SWI5: variants seen among roughly 807,000 people sequenced by gnomAD.
The protein encoded by SWI5 is SWI5 homologous recombination repair protein.
In SWI5, 12 loss-of-function variants were observed where a neutral mutation model predicts 17.0. The ratio of observed to expected loss-of-function variants is 0.71; its 90% confidence interval spans 0.45 to 1.14. The LOEUF (loss-of-function observed/expected upper bound fraction) is 1.14, where lower values mean the gene tolerates loss of function less well. Ranked by LOEUF, SWI5 falls within the 50% of genes most tolerant of loss-of-function variation. The pLI is 0.00. For synonymous variants in SWI5, 61 were observed against 64.0 expected, an observed-to-expected ratio of 0.95 and a Z score of 0.22; for missense variants, 158 against 162.2, an observed-to-expected ratio of 0.97 and a Z score of 0.14.
At chr9:128,275,553 C>G, upstream of SWI5, 1 of 1,221,580 alleles carries the variant, frequency 8.2e-7, no homozygotes, top group Middle Eastern at 2.6e-4. Context: ...AAGTCACTGG[C>G]GAGGGCAGGG....
In SWI5 at chr9:128,285,278, AAAGG is replaced by A. The variant is rs965489781; in HGVS notation, c.234-646_234-643del. ...GGAAGGAAAGGGAAGGAAGGAAGGG[AAAGG>A]AAGGAAGGAAGGAAAGGAAGGAAGG... On this transcript the variant is annotated intron_variant, in intron 3 of 4. Transcript: ENST00000418976. This position sits in a 1 kb window ranked among gnomAD's most constrained non-coding sequence, Gnocchi z 4.8. Among the ~76,000 whole-genome samples the A allele has an allele frequency of 2.7e-4, 40 of 150,874 alleles. No individual in the cohort carries two copies. The highest frequency in any genetic ancestry group is 6.1e-4 in the African/African-American group (25 of 41,130).
chr9:128,275,995 C>T (rs768231827), upstream of SWI5: 5 of 1,598,500 alleles, frequency 3.1e-6, no homozygotes, highest in Non-Finnish European at 4.3e-6. Context: ...TCCCGGCAAC[C>T]ACTGCGGAAG....
intron 4 of SWI5, 72 bp downstream of exon 4, chr9:128,286,105 T>C (rs1831635460): frequency 1.7e-6 from 2 of 1,168,450 alleles, no homozygotes; most frequent in Admixed American, 3.6e-5. Context: ...TGTTGGGTTT[T>C]GCTCCTGGGC....
At chr9:128,281,124 A>ACCTC (rs1831531701) in intron 2 of SWI5, among the ~76,000 whole-genome samples, 1 of 119,266 alleles carries the variant, frequency 8.4e-6, no homozygotes, top group African/African-American at 3.2e-5. Flanking sequence ...CACAACCTCC[A>ACCTC]CCTCCCAGGT....
intron 4 of SWI5, chr9:128,286,560 C>G (rs1375459538): frequency 6.5e-6 from 1 of 154,756 alleles, no homozygotes; most frequent in African/African-American, 2.4e-5. Context: ...CAGTTCCATC[C>G]CCTGGCTTGG....
intron 2 of SWI5, 25 bp downstream of exon 2, chr9:128,276,780 C>G (rs929832313): frequency 2.5e-6 from 4 of 1,590,462 alleles, no homozygotes; most frequent in African/African-American, 2.7e-5. Context: ...CCCCACACCC[C>G]CTTTCCCATC....
At chr9:128,279,765 G>A (rs1831504134) in intron 2 of SWI5, among the ~76,000 whole-genome samples, 1 of 152,134 alleles carries the variant, frequency 6.6e-6, no homozygotes, top group Middle Eastern at 3.2e-3. Context: ...ACAGGAAGCT[G>A]GTGGAGCAGA....
chr9:128,285,923 C>G lies in SWI5; in HGVS notation c.234-16C>G. On this transcript the variant is annotated splice_polypyrimidine_tract_variant and intron_variant, in intron 3 of 4. Coordinates refer to ENST00000418976, the Ensembl canonical transcript of SWI5. This position sits in a 1 kb window ranked among gnomAD's most constrained non-coding sequence, Gnocchi z 4.8. ...AACTGGGCTGTCTTTCCCCCTCTCTCCATCGCTTATCCCAGAGGCTACAGT... is the reference window on the plus strand; with the variant it reads ...AACTGGGCTGTCTTTCCCCCTCTCTGCATCGCTTATCCCAGAGGCTACAGT... 6.3e-7 allele frequency: 1 copy of G among 1,593,628 alleles called. No individual in the cohort carries two copies. The highest frequency in any genetic ancestry group is 8.6e-7 in the Non-Finnish European group (1 of 1,161,474).
chr9:128,287,097 T>C (rs929344121), intron 4 of SWI5, among the ~76,000 whole-genome samples: 9 of 135,206 alleles, frequency 6.7e-5, no homozygotes, highest in African/African-American at 2.6e-4. Flanking sequence ...GCTGAGATCA[T>C]GCCATTGCAC....
upstream of SWI5, chr9:128,276,034 G>C (rs1831343640): frequency 6.3e-7 from 1 of 1,586,940 alleles, no homozygotes; most frequent in Non-Finnish European, 8.6e-7. Flanking sequence ...GCTGTGCGAC[G>C]GAGCCAGAGG....
rs184142707 is a variant in SWI5 at position 128,284,405 on chromosome 9, G to A, written c.112-105G>A. ...AATGCAGTCTTATTGAGGGGGTTAG[G>A]GTGCCTATTAGCAAGCAGAAGCAGG... On this transcript the variant is annotated intron_variant, in intron 2 of 4. Transcript: ENST00000418976. 6.0e-3 allele frequency: 8,312 copies of A among 1,394,328 alleles called. 48 individuals carry two copies. Among genetic ancestry groups the A allele is most frequent in the Middle Eastern group, 0.033 (127 of 3,866 alleles). The allele number at this position is 1,394,328 out of a possible 1,614,324, so 86.4% of individuals were successfully genotyped here. A position where few individuals can be genotyped will look rare whatever the true frequency, so the allele number is the denominator to read the frequency against.
chr9:128,275,554 G>C, upstream of SWI5: 3 of 1,225,428 alleles, frequency 2.4e-6, no homozygotes, highest in Non-Finnish European at 3.2e-6. Flanking sequence ...AGTCACTGGC[G>C]AGGGCAGGGG....
chr9:128,288,753 C>A, exon 5 of SWI5: 1 of 1,610,264 alleles, frequency 6.2e-7, no homozygotes, highest in African/African-American at 1.3e-5. Flanking sequence ...CTCCCAGGGA[C>A]AGAAGGGTGT....
rs1318391101 is a variant in SWI5 at position 128,285,295 on chromosome 9, AAAGG to A, written c.234-632_234-629del. Among the ~76,000 whole-genome samples, 10 of 151,678 alleles carry A rather than the reference AAAGG, an allele frequency of 6.6e-5. No individual in the cohort carries two copies. The highest frequency in any genetic ancestry group is 3.9e-4 in the East Asian group (2 of 5,168). ...AGGAAGGGAAAGGAAGGAAGGAAGG[AAAGG>A]AAGGAAGGAAGAAAGAAAGGAAGGA... On this transcript the variant is annotated intron_variant, in intron 3 of 4. Transcript: ENST00000418976. The surrounding 1 kb of genome is among the most constrained non-coding windows in gnomAD (Gnocchi z 4.8).
chr9:128,276,151 G>A, upstream of SWI5: 1 of 1,567,876 alleles, frequency 6.4e-7, no homozygotes, highest in East Asian at 2.3e-5. Context: ...TGGCTATGCA[G>A]CGGCGTGGCC....
In SWI5 at chr9:128,285,873, G is replaced by C; in HGVS notation, c.234-66G>C. Reference sequence around the variant, plus strand: ...TTACAGATGCCTTATTACTATCTGAGCCTGGGGCCATCATCTGCTTTCTTA... The same window carrying C: ...TTACAGATGCCTTATTACTATCTGACCCTGGGGCCATCATCTGCTTTCTTA... On this transcript the variant is annotated intron_variant, in intron 3 of 4. Coordinates refer to ENST00000418976, the Ensembl canonical transcript of SWI5. This position sits in a 1 kb window ranked among gnomAD's most constrained non-coding sequence, Gnocchi z 4.8. 1.8e-6 allele frequency: 2 copies of C among 1,109,552 alleles called. No individual in the cohort carries two copies. Among genetic ancestry groups the C allele is most frequent in the South Asian group, 1.3e-5 (1 of 78,128 alleles). The allele number at this position is 1,109,552 out of a possible 1,614,324, so 68.7% of individuals were successfully genotyped here. A position where few individuals can be genotyped will look rare whatever the true frequency, so the allele number is the denominator to read the frequency against.
chr9:128,285,654 G>A lies in SWI5; in HGVS notation c.234-285G>A, dbSNP rs1263703327. ...ATCCACCTGGCTGTTTGGATCATGC[G>A]CCCATCTGCGAGTCCCTCAGCTGTG... On this transcript the variant is annotated intron_variant, in intron 3 of 4. Transcript: ENST00000418976. This position sits in a 1 kb window ranked among gnomAD's most constrained non-coding sequence, Gnocchi z 4.8. Among the ~76,000 whole-genome samples, 1 of 152,122 alleles carries A rather than the reference G, an allele frequency of 6.6e-6. No individual in the cohort carries two copies. Among genetic ancestry groups the A allele is most frequent in the Non-Finnish European group, 1.5e-5 (1 of 68,026 alleles).
upstream of SWI5, chr9:128,275,943 C>T (rs1831331552): frequency 1.3e-6 from 2 of 1,579,548 alleles, no homozygotes; most frequent in Non-Finnish European, 1.7e-6. Context: ...TCCGACATCG[C>T]GGGGCGGGGA....
chr9:128,283,739 A>T (rs1831583393), intron 2 of SWI5, among the ~76,000 whole-genome samples: 1 of 152,192 alleles, frequency 6.6e-6, no homozygotes, highest in Non-Finnish European at 1.5e-5. Context: ...ATCATCCAAG[A>T]TAGCTGCTCA....
Sources: allele counts gnomAD v4.1 joint callset (sites outside exome capture counted in the v4.1 genomes callset), GRCh38; gene constraint gnomAD v4.1.1; non-coding constraint Gnocchi (gnomAD v3.1); transcripts MANE v1.5; gene names NCBI Gene and HGNC (gene_info 2026-07-23, HGNC 2026-07-21).